PTK2: variants seen among roughly 807,000 people sequenced by gnomAD.
PTK2 encodes focal adhesion kinase 1.
PTK2 carries 45 observed loss-of-function variants against 150.1 expected under a neutral mutation model. The ratio of observed to expected loss-of-function variants is 0.30; its 90% CI spans 0.24 to 0.38. The LOEUF (loss-of-function observed/expected upper bound fraction) is 0.38, where lower values mean the gene tolerates loss of function less well. PTK2 is among the 10% of genes least tolerant of loss of function. The probability of loss-of-function intolerance (pLI) is 1.00; values close to 1 mark genes in which losing one functional copy is unlikely to be tolerated. For synonymous variants in PTK2, 432 were observed against 449.2 expected, an observed-to-expected ratio of 0.96 and a Z score of 0.48; for missense variants, 919 against 1,307.3, an observed-to-expected ratio of 0.70 and a Z score of 4.58.
intron 27 of PTK2, 47 bp downstream of exon 30, chr8:140,686,585 C>T (rs1282046112): frequency 1.9e-5 from 28 of 1,462,464 alleles, no homozygotes; most frequent in East Asian, 1.6e-4. Flanking sequence ...TGATGGTCCA[C>T]GCACAGGAGA....
intron 26 of PTK2, among the ~76,000 whole-genome samples, chr8:140,692,364 C>G (rs570106154): frequency 6.6e-6 from 1 of 152,308 alleles, no homozygotes; most frequent in African/African-American, 2.4e-5. Flanking sequence ...CACCTGTAAT[C>G]CCAGCACTAT....
intron 26 of PTK2, among the ~76,000 whole-genome samples, chr8:140,695,143 T>C (rs1023151082): frequency 4.6e-5 from 7 of 152,226 alleles, no homozygotes; most frequent in African/African-American, 1.7e-4. Flanking sequence ...CATTCTGAAT[T>C]TTATTTCATT....
intron 8 of PTK2, among the ~76,000 whole-genome samples, chr8:140,828,166 A>C (rs2100113046): frequency 6.8e-6 from 1 of 147,968 alleles, no homozygotes; most frequent in African/African-American, 2.6e-5. Context: ...ACTCTGTCTC[A>C]ACAAAAAAAA....
At chr8:140,914,887 G>T (rs1357987346) in intron 2 of PTK2, among the ~76,000 whole-genome samples, 3 of 151,856 alleles carry the variant, frequency 2.0e-5, no homozygotes, top group Admixed American at 6.6e-5. Context: ...CACAAAATTA[G>T]CCGGGCATAG....
At chr8:140,999,368 G>C (rs1416322000) in intron 1 of PTK2, among the ~76,000 whole-genome samples, 1 of 152,132 alleles carries the variant, frequency 6.6e-6, no homozygotes, top group African/African-American at 2.4e-5. Context: ...ATTCTTTAAA[G>C]GAAAACCTTG....
At chr8:140,820,076 GTTTTTTTTTTTTTTTTTT>G (rs370537018) in intron 8 of PTK2, among the ~76,000 whole-genome samples, 42 of 50,254 alleles carry the variant, frequency 8.4e-4, no homozygotes, top group South Asian at 2.3e-3. Flanking sequence ...TCTGACTTTG[GTTTTTTTTTTTTTTTTTT>G]TTTTTTTTTT....
intron 16 of PTK2, among the ~76,000 whole-genome samples, chr8:140,758,017 T>A (rs967237306): frequency 6.6e-6 from 1 of 152,178 alleles, no homozygotes; most frequent in Non-Finnish European, 1.5e-5. Context: ...GTTACAGGTT[T>A]TGTGTATTTA....
At chr8:140,698,700 C>T (rs1029724881) in intron 26 of PTK2, among the ~76,000 whole-genome samples, 4 of 152,146 alleles carry the variant, frequency 2.6e-5, no homozygotes, top group Admixed American at 6.6e-5. Context: ...CTGCAACCTC[C>T]GCCTCCTGGG....
exon 20 of PTK2, chr8:140,743,259 C>T (rs747186955): frequency 5.0e-6 from 8 of 1,610,654 alleles, no homozygotes; most frequent in South Asian, 1.1e-5. Flanking sequence ...TTCCATATAT[C>T]GGGATAATCC....
intron 1 of PTK2, among the ~76,000 whole-genome samples, chr8:140,956,692 T>G (rs1016726338): frequency 1.3e-5 from 2 of 152,162 alleles, no homozygotes; most frequent in Non-Finnish European, 2.9e-5. Context: ...TGGAAGATAT[T>G]GATATTGATG....
intron 4 of PTK2, chr8:140,879,125 T>A (rs1361816026): frequency 6.3e-6 from 1 of 158,718 alleles, no homozygotes; most frequent in South Asian, 2.0e-4. Flanking sequence ...TGACAAGGGA[T>A]GAAAACATTA....
chr8:140,834,074 T>C (rs922280214), intron 7 of PTK2, among the ~76,000 whole-genome samples: 3 of 152,230 alleles, frequency 2.0e-5, no homozygotes, highest in African/African-American at 7.2e-5. Flanking sequence ...CCCATGTGGC[T>C]AGAGGCTACC....
chr8:140,948,314 A>T (rs899395854), intron 1 of PTK2, among the ~76,000 whole-genome samples: 2 of 152,214 alleles, frequency 1.3e-5, no homozygotes, highest in African/African-American at 4.8e-5. Flanking sequence ...TGCAGATAAA[A>T]TACAAATGTA....
intron 2 of PTK2, among the ~76,000 whole-genome samples, chr8:140,896,771 C>A (rs1186837855): frequency 2.9e-5 from 4 of 139,142 alleles, no homozygotes; most frequent in East Asian, 2.1e-4. Flanking sequence ...AGACGCCCCC[C>A]CTTCCCCCCA....
At chr8:140,761,477 G>C (rs1318474869) in intron 15 of PTK2, among the ~76,000 whole-genome samples, 1 of 152,036 alleles carries the variant, frequency 6.6e-6, no homozygotes, top group Non-Finnish European at 1.5e-5. Context: ...GAAACAATGA[G>C]TTCTACTAAA....
chr8:140,963,963 A>G (rs2100184305), intron 1 of PTK2, among the ~76,000 whole-genome samples: 2 of 152,166 alleles, frequency 1.3e-5, no homozygotes, highest in Admixed American at 6.5e-5. Context: ...TTTCTACGGT[A>G]GGGTCATACT....
chr8:140,845,308 C>A (rs2100124709), intron 7 of PTK2, among the ~76,000 whole-genome samples: 1 of 151,700 alleles, frequency 6.6e-6, no homozygotes, highest in Non-Finnish European at 1.5e-5. Flanking sequence ...TGTATACATA[C>A]CCCTCTCTCC....
At chr8:140,860,951 C>CT (rs541685936) in intron 5 of PTK2, among the ~76,000 whole-genome samples, 90 of 152,264 alleles carry the variant, frequency 5.9e-4, no homozygotes, top group African/African-American at 2.1e-3. Flanking sequence ...AATGTATGTA[C>CT]TTGATAAACT....
intron 4 of PTK2, among the ~76,000 whole-genome samples, chr8:140,866,367 G>C (rs1270038875): frequency 2.0e-5 from 3 of 152,236 alleles, no homozygotes. Flanking sequence ...CCAGCATTCT[G>C]ATGCTGCTGG....
Sources: gnomAD v4.1 joint callset for allele counts (sites outside exome capture counted in the v4.1 genomes callset) on GRCh38, gnomAD v4.1.1 for gene constraint, MANE v1.5 for transcripts, NCBI Gene and HGNC (gene_info 2026-07-23, HGNC 2026-07-21) for gene names.